Variants in IL18RAP observed in about 807,000 individuals in gnomAD.
IL18RAP encodes interleukin 18 receptor accessory protein, also known as interleukin-18 receptor accessory protein.
IL18RAP carries 37 observed loss-of-function variants against 58.1 expected under a neutral mutation model. The observed-to-expected ratio is 0.64, with a 90% CI of 0.49 to 0.84. The LOEUF (loss-of-function observed/expected upper bound fraction) is 0.84, where lower values mean the gene tolerates loss of function less well. IL18RAP is among the 40% of genes least tolerant of loss of function. The pLI, the probability that IL18RAP is intolerant of heterozygous loss-of-function variation, is 0.00. For missense variants in IL18RAP, 667 were observed against 704.8 expected (o/e 0.95, Z 0.61); for synonymous variants, 268 against 257.5 (o/e 1.04, Z -0.39).
intron 4 of IL18RAP, chr2:102,438,602 A>G (rs980924050): frequency 6.6e-6 from 1 of 152,178 alleles, no homozygotes; most frequent in Non-Finnish European, 1.5e-5. Context: ...TCAAATTCTC[A>G]ATGGCATAAT....
At chr2:102,443,451 A>G (rs1303248387) in intron 6 of IL18RAP, 128 bp downstream of exon 6, 1 of 1,063,146 alleles carries the variant, frequency 9.4e-7, no homozygotes, top group Non-Finnish European at 1.3e-6. Flanking sequence ...ATAAAAGCAC[A>G]AAAATGCAAA....
intron 5 of IL18RAP, among the ~76,000 whole-genome samples, chr2:102,442,650 C>T (rs1356825577): frequency 6.6e-6 from 1 of 152,070 alleles, no homozygotes; most frequent in East Asian, 1.9e-4. Flanking sequence ...TGTGAATATT[C>T]CTCATGGAAA....
At chr2:102,422,072 G>A (rs555229872), upstream of IL18RAP, among the ~76,000 whole-genome samples, 2 of 152,114 alleles carry the variant, frequency 1.3e-5, no homozygotes, top group East Asian at 1.9e-4. Context: ...TCTAGCAGGC[G>A]TGGTTCTTCC....
intron 3 of IL18RAP, among the ~76,000 whole-genome samples, 168 bp from the exon 4 acceptor site, chr2:102,437,044 T>C (rs938760397): frequency 1.3e-5 from 2 of 152,156 alleles, no homozygotes; most frequent in Non-Finnish European, 1.5e-5. Context: ...TTGTTTCAAA[T>C]CTACAAGTAC....
Position 102,423,236 on chromosome 2 carries a change from G to T in IL18RAP, c.-42G>T. 1 of 1,578,222 alleles carries T rather than the reference G, an allele frequency of 6.3e-7. No individual in the cohort carries two copies. The highest frequency in any genetic ancestry group is 8.7e-7 in the Non-Finnish European group (1 of 1,147,404). On this transcript the variant is annotated 5_prime_UTR_variant, in exon 1 of 10. The change creates a new upstream start codon in the 5' untranslated region. Transcript: ENST00000687160. ...TCTCAAAACACTCTACTCTGGCAAA[G>T]GAATGAAGTTATTGGAGTGATGACA...
Position 102,424,236 on chromosome 2 carries a change from C to A in IL18RAP, c.401C>A (p.Pro134His). 1.9e-6 allele frequency: 3 copies of A among 1,613,838 alleles called. No homozygotes were observed. Among genetic ancestry groups the A allele is most frequent in the Non-Finnish European group, 2.5e-6 (3 of 1,179,896 alleles). The change falls in exon 3 of 10, where the codon CCC (proline) becomes CAC (histidine). Residue 134 changes from proline to histidine, a missense_variant. Physicochemically the swap from Pro to His is moderately conservative, Grantham distance 77. Transcript: ENST00000687160. ...GGATCTTGTTAATTTCCTAGGAGCCCCTATGATGTAGCCTGTTGTGTCAAG... is the reference window on the plus strand; with the variant it reads ...GGATCTTGTTAATTTCCTAGGAGCCACTATGATGTAGCCTGTTGTGTCAAG... ...YICRPKMIKS[P>H]YDVACCVKMI...
intron 3 of IL18RAP, among the ~76,000 whole-genome samples, chr2:102,428,142 T>C (rs1380136000): frequency 3.3e-5 from 5 of 151,832 alleles, no homozygotes; most frequent in Admixed American, 3.3e-4. Context: ...ATGAACCATC[T>C]AGCTTTGTTC....
chr2:102,419,686 C>G (rs529034113), upstream of IL18RAP: 4 of 152,444 alleles, frequency 2.6e-5, no homozygotes, highest in South Asian at 8.3e-4. Flanking sequence ...ATTCTCCCAG[C>G]GCTGTTGGGC....
upstream of IL18RAP, chr2:102,419,324 C>A (rs1212414409): frequency 6.6e-6 from 1 of 152,184 alleles, no homozygotes; most frequent in Non-Finnish European, 1.5e-5. Context: ...CACCATGGAG[C>A]ATCTGAGAAT....
intron 3 of IL18RAP, among the ~76,000 whole-genome samples, chr2:102,430,688 A>G (rs1682285626): frequency 6.6e-6 from 1 of 151,894 alleles, no homozygotes; most frequent in African/African-American, 2.4e-5. Flanking sequence ...TATGCTTTGA[A>G]TCTTTTATAT....
intron 4 of IL18RAP, chr2:102,439,655 G>A (rs1682976199): frequency 6.6e-6 from 1 of 152,316 alleles, no homozygotes; most frequent in South Asian, 2.1e-4. Context: ...AGGAGAAAGA[G>A]AAGAATCAAG....
At chr2:102,437,766 T>C (rs558916812) in intron 4 of IL18RAP, among the ~76,000 whole-genome samples, 2 of 152,338 alleles carry the variant, frequency 1.3e-5, no homozygotes, top group African/African-American at 2.4e-5. Flanking sequence ...TTGAGGTCTA[T>C]GACCCCATTC....
upstream of IL18RAP, among the ~76,000 whole-genome samples, chr2:102,420,003 G>T (rs1681471057): frequency 6.6e-6 from 1 of 152,184 alleles, no homozygotes; most frequent in African/African-American, 2.4e-5. Flanking sequence ...TCTGCATTTT[G>T]GTGGCTCCTT....
chr2:102,446,954 T>C (rs948013680), intron 7 of IL18RAP, 116 bp from the exon 8 acceptor site: 8 of 1,141,652 alleles, frequency 7.0e-6, no homozygotes, highest in Non-Finnish European at 9.9e-6. Flanking sequence ...GGCAATGATT[T>C]TGATAAAATA....
Position 102,432,376 on chromosome 2 carries a change from C to A in IL18RAP, c.580-4836C>A, listed in dbSNP as rs140293617. 2.1e-3 allele frequency: 325 copies of A among 154,274 alleles called. 1 individual carries two copies. Among genetic ancestry groups the A allele is most frequent in the Non-Finnish European group, 3.8e-3 (259 of 68,138 alleles). 9.6% of individuals were successfully genotyped at this position (154,274 alleles called of 1,614,324 possible). ...GATCAGAGGCAGTCACAGAGCAATACCCTTGTGTCTTCCATTCACCCACAA... is the reference window on the plus strand; with the variant it reads ...GATCAGAGGCAGTCACAGAGCAATAACCTTGTGTCTTCCATTCACCCACAA... On this transcript the variant is annotated intron_variant, in intron 3 of 9. Coordinates refer to ENST00000687160, the MANE Select transcript of IL18RAP (RefSeq NM_001393487.1).
At chr2:102,449,447 C>T (rs978641120) in intron 8 of IL18RAP, among the ~76,000 whole-genome samples, 5 of 152,132 alleles carry the variant, frequency 3.3e-5, no homozygotes, top group African/African-American at 4.8e-5. Context: ...CTGGAGCTGG[C>T]TTAGAAGAGT....
intron 6 of IL18RAP, 138 bp from the exon 7 acceptor site, chr2:102,445,051 A>G (rs539729328): frequency 6.2e-6 from 4 of 644,656 alleles, no homozygotes; most frequent in African/African-American, 5.5e-5. Context: ...ACCATCTTAC[A>G]TTCTCGTGGT....
intron 8 of IL18RAP, among the ~76,000 whole-genome samples, chr2:102,448,859 G>A (rs1260040175): frequency 6.6e-6 from 1 of 151,766 alleles, no homozygotes; most frequent in East Asian, 1.9e-4. Flanking sequence ...TACTTAGGAG[G>A]CTGAGGTGGG....
intron 6 of IL18RAP, among the ~76,000 whole-genome samples, chr2:102,444,315 G>A (rs753369905): frequency 2.0e-5 from 3 of 151,984 alleles, no homozygotes; most frequent in Non-Finnish European, 4.4e-5. Context: ...TAGTCAAGAG[G>A]GTATGTTTTG....
Sources: gnomAD v4.1 joint callset for allele counts (sites outside exome capture counted in the v4.1 genomes callset) on GRCh38, gnomAD v4.1.1 for gene constraint, MANE v1.5 for transcripts, NCBI Gene and HGNC (gene_info 2026-07-23, HGNC 2026-07-21) for gene names.